Variants in RFFL observed in about 807,000 individuals in gnomAD.
RFFL encodes the protein E3 ubiquitin-protein ligase rififylin.
Under a neutral mutation model 40.4 loss-of-function variants are expected in RFFL, and 16 were observed. The observed-to-expected ratio is 0.40, with a 90% confidence interval of 0.27 to 0.60. The LOEUF is 0.60. Ranked by LOEUF, RFFL falls within the 20% of genes least tolerant of loss-of-function variation. RFFL has a pLI of 0.47. For synonymous variants in RFFL, 154 were observed against 167.9 expected, an observed-to-expected ratio of 0.92 and a Z score of 0.64; for missense variants, 367 against 451.7, an observed-to-expected ratio of 0.81 and a Z score of 1.70.
At chr17:35,016,986 C>A (rs1040151870) in intron 4 of RFFL, among the ~76,000 whole-genome samples, 9 of 152,144 alleles carry the variant, frequency 5.9e-5, no homozygotes. Flanking sequence ...TCCTACCCCA[C>A]AGGGGTCCTG....
At chr17:35,034,206 G>A (rs890380619) in intron 1 of RFFL, among the ~76,000 whole-genome samples, 3 of 151,682 alleles carry the variant, frequency 2.0e-5, no homozygotes, top group Admixed American at 6.6e-5. Context: ...ATGGTGGCAC[G>A]CACCTGTAGT....
At chr17:35,042,905 T>C (rs1270856176) in intron 1 of RFFL, among the ~76,000 whole-genome samples, 1 of 151,824 alleles carries the variant, frequency 6.6e-6, no homozygotes, top group African/African-American at 2.4e-5. Context: ...TGGTAGAACT[T>C]TAGAATCCAA....
chr17:35,058,838 T>C (rs1298321107), intron 1 of RFFL, among the ~76,000 whole-genome samples: 1 of 152,026 alleles, frequency 6.6e-6, no homozygotes, highest in Non-Finnish European at 1.5e-5. Flanking sequence ...ATTTTTACCC[T>C]CTATCCTTTA....
At chr17:35,064,775 T>A (rs1192680639), upstream of RFFL, among the ~76,000 whole-genome samples, 2 of 152,196 alleles carry the variant, frequency 1.3e-5, no homozygotes, top group African/African-American at 4.8e-5. Flanking sequence ...AGCTGCCAAC[T>A]CAGCTTGTCA....
chr17:35,037,995 G>A (rs1280112299), intron 1 of RFFL, among the ~76,000 whole-genome samples: 1 of 151,922 alleles, frequency 6.6e-6, no homozygotes, highest in African/African-American at 2.4e-5. Flanking sequence ...AGGATAAAGA[G>A]CAACTGGAGC....
At chr17:35,033,530 AAAAT>A (rs923959490) in intron 1 of RFFL, among the ~76,000 whole-genome samples, 1 of 149,934 alleles carries the variant, frequency 6.7e-6, no homozygotes, top group African/African-American at 2.5e-5. Context: ...CTCTGTCTCA[AAAAT>A]AAATAAATAA....
chr17:35,048,708 T>G (rs192004995), intron 1 of RFFL, among the ~76,000 whole-genome samples: 1 of 152,170 alleles, frequency 6.6e-6, no homozygotes, highest in Non-Finnish European at 1.5e-5. Flanking sequence ...AACCCTTCTC[T>G]GCCAAATTCA....
At position 35,017,566 on chromosome 17, in the gene RFFL, T is replaced by C. The variant is rs1337083921; in HGVS notation, c.632A>G (p.Tyr211Cys). 2 of 1,611,876 alleles carry C rather than the reference T, an allele frequency of 1.2e-6. No homozygotes were observed. The highest frequency in any genetic ancestry group is 2.7e-5 in the African/African-American group (2 of 74,862). The change falls in exon 4 of 7, where the codon TAC (tyrosine) becomes TGC (cysteine). Residue 211 changes from tyrosine (Y) to cysteine (C), a missense_variant. Physicochemically the swap from Tyr to Cys is radical, Grantham distance 194. Transcript: ENST00000394597. ...HVSQDQEEPV[Y>C]LESVARVPAE... is the part of the protein sequence containing the mutation. ...AGGTACTCTGGCCACGCTCTCCAGG[T>C]AGACGGGTTCCTCTTGATCCTGAGA...
chr17:35,074,368 T>C (rs2091365756), intron 1 of RFFL: 1 of 152,246 alleles, frequency 6.6e-6, no homozygotes, highest in African/African-American at 2.4e-5. Context: ...CTGTGGTTTT[T>C]GGATGTTTCT....
At chr17:35,083,633 C>T (rs948862131) in intron 1 of RFFL, among the ~76,000 whole-genome samples, 1 of 151,524 alleles carries the variant, frequency 6.6e-6, no homozygotes, top group African/African-American at 2.4e-5. Context: ...ATACAAAAAT[C>T]GGCTGGACAT....
At chr17:35,077,570 A>G (rs1250622877) in intron 1 of RFFL, among the ~76,000 whole-genome samples, 1 of 152,224 alleles carries the variant, frequency 6.6e-6, no homozygotes, top group Non-Finnish European at 1.5e-5. Context: ...TAGTTTAAGA[A>G]GCACAAACTT....
At chr17:35,021,917 A>G (rs2091011692) in intron 2 of RFFL, 136 bp from the exon 3 acceptor site, 2 of 834,790 alleles carry the variant, frequency 2.4e-6, no homozygotes, top group African/African-American at 3.4e-5. Context: ...TCTCTCATAT[A>G]TCTAAGGGTG....
upstream of RFFL, among the ~76,000 whole-genome samples, chr17:35,067,447 C>G (rs999090771): frequency 6.8e-6 from 1 of 148,070 alleles, no homozygotes; most frequent in Non-Finnish European, 1.5e-5. Context: ...GTATCTCTCT[C>G]TTCCAAGCCT....
chr17:35,071,291 A>G (rs2091348974), intron 1 of RFFL, among the ~76,000 whole-genome samples: 1 of 152,038 alleles, frequency 6.6e-6, no homozygotes, highest in African/African-American at 2.4e-5. Flanking sequence ...TGCTGGTGAG[A>G]CTGTAAAATG....
intron 1 of RFFL, chr17:35,074,418 A>T (rs1430916623): frequency 6.6e-6 from 1 of 152,138 alleles, no homozygotes; most frequent in Non-Finnish European, 1.5e-5. Context: ...CTGCGGTGAG[A>T]GTTCATTCAT....
Position 35,030,748 on chromosome 17 carries a change from C to A in RFFL, c.-8-4187G>T, listed in dbSNP as rs1255042028. ...CCATGCCCAGCCAAATTTTGTAATT[C>A]TTTAAATCACACGTTGACAGACAAA... On this transcript the variant is annotated intron_variant, in intron 1 of 6. Transcript: ENST00000394597. Among the ~76,000 whole-genome samples, 3 of 152,018 alleles carry A rather than the reference C, an allele frequency of 2.0e-5. No individual in the cohort carries two copies. The East Asian group carries it at 5.8e-4, about 29-fold the overall frequency.
intron 6 of RFFL, 137 bp from the exon 7 acceptor site, chr17:35,012,286 CAA>C: frequency 1.5e-6 from 1 of 680,710 alleles, no homozygotes; most frequent in Non-Finnish European, 2.4e-6. Context: ...ATGCTTCCCT[CAA>C]ATAGAGCTCC....
At position 35,039,645 on chromosome 17, in the gene RFFL, T is replaced by C. The variant is rs578136630; in HGVS notation, c.-8-13084A>G. 3.3e-5 allele frequency among the ~76,000 whole-genome samples: 5 copies of C among 151,852 alleles called. No homozygotes were observed. The East Asian group carries it at 9.7e-4, about 30-fold the overall frequency. The stretch of plus-strand genomic sequence containing the variant: ...CCCCAGTAAAGCTCTTTTTCTGTGA[T>C]CTCCTCTAAATCAAATTTCTCCAAA... On this transcript the variant is annotated intron_variant, in intron 1 of 6. Coordinates refer to ENST00000394597, the MANE Select transcript of RFFL (RefSeq NM_001017368.2).
chr17:35,058,758 G>A (rs1471087359), intron 1 of RFFL, among the ~76,000 whole-genome samples: 1 of 152,000 alleles, frequency 6.6e-6, no homozygotes, highest in Non-Finnish European at 1.5e-5. Context: ...GTGACAGAGC[G>A]AGACTCTGTT....
Sources: allele counts gnomAD v4.1 joint callset (sites outside exome capture counted in the v4.1 genomes callset), GRCh38; gene constraint gnomAD v4.1.1; transcripts MANE v1.5; gene names NCBI Gene and HGNC (gene_info 2026-07-23, HGNC 2026-07-21).